ADCY8: variants seen among roughly 807,000 people sequenced by gnomAD.
ADCY8 encodes the protein adenylate cyclase 8, also known as adenylate cyclase type 8.
ADCY8 carries 51 observed loss-of-function variants against 119.7 expected under a neutral mutation model. The ratio of observed to expected loss-of-function variants is 0.43; its 90% CI spans 0.34 to 0.54. ADCY8 has a LOEUF of 0.54. Among genes scored for constraint, ADCY8 ranks in the 20% least tolerant of loss-of-function variants. The pLI, the probability that ADCY8 is intolerant of heterozygous loss-of-function variation, is 0.03. For missense variants in ADCY8, 1,383 were observed against 1,598.8 expected (o/e 0.87, Z 2.30); for synonymous variants, 665 against 651.0 (o/e 1.02, Z -0.33).
Position 130,847,482 on chromosome 8 carries a change from A to C in ADCY8, c.2444T>G (p.Leu815Trp). 1.9e-6 allele frequency: 3 copies of C among 1,613,148 alleles called. No homozygotes were observed. Among genetic ancestry groups the C allele is most frequent in the Non-Finnish European group, 2.5e-6 (3 of 1,179,552 alleles). ...TGAGGAATTGAAAGTCAGGTTCTTC[A>C]AGGGTATCGACTTGTCAAAATCACA... Reference protein sequence around the residue: ...LWCDFDKSIPLKNLTFNSSAV... With the variant: ...LWCDFDKSIPWKNLTFNSSAV... Residue 815 changes from leucine (L) to tryptophan (W), a missense_variant, in exon 11 of 18, where the codon TTG (leucine) becomes TGG (tryptophan). Coordinates refer to ENST00000286355, the MANE Select transcript of ADCY8 (RefSeq NM_001115.3).
At chr8:130,825,921 G>A (rs1816655570) in intron 12 of ADCY8, among the ~76,000 whole-genome samples, 1 of 152,186 alleles carries the variant, frequency 6.6e-6, no homozygotes. Context: ...AAGAGACTCA[G>A]CTGCATGGAC....
Position 130,780,481 on chromosome 8 carries a change from T to G in ADCY8, c.3665A>C (p.Lys1222Thr). 6.2e-7 allele frequency: 1 copy of G among 1,614,102 alleles called. No homozygotes were observed. The highest frequency in any genetic ancestry group is 8.5e-7 in the Non-Finnish European group (1 of 1,179,980). ...LNENNNTGII[K>T]GHYNRRTLLS... ...CAAAGTCCGCCGGTTGTAATGACCC[T>G]TGATGATTCCTGTGTTGTTGTTCTC... The change falls in exon 18 of 18, where the codon AAG becomes ACG. Residue 1222 changes from lysine (K) to threonine (T), a missense_variant. Physicochemically the swap from Lys to Thr is moderately conservative, Grantham distance 78 (BLOSUM62 -1). Transcript: ENST00000286355.
In ADCY8 at chr8:131,039,944, CA is replaced by C; in HGVS notation, c.389del (p.Leu130ArgfsTer55). 6 of 1,598,370 alleles carry C rather than the reference CA, an allele frequency of 3.8e-6. No homozygotes were observed. The highest frequency in any genetic ancestry group is 5.1e-6 in the Non-Finnish European group (6 of 1,172,586). On this transcript the variant is annotated frameshift_variant, in exon 1 of 18. Transcript: ENST00000286355. LOFTEE classifies it high-confidence loss of function. Reference sequence around the variant, plus strand: ...AGTTGCTAGGGGCACAGTCAAGGTGCAGGAAGCCCAGGTCGCCCCCGCCTCC... The same window carrying C: ...AGTTGCTAGGGGCACAGTCAAGGTGCGGAAGCCCAGGTCGCCCCCGCCTCC... Reference protein sequence around the residue: ...GSGGGGDLGFLHLDCAPSNSD... With the variant: ...GSGGGGDLGFXHLDCAPSNSD...
At position 130,907,122 on chromosome 8, in the gene ADCY8, T is replaced by C. The variant is rs1281515336; in HGVS notation, c.1640+2586A>G. ...AAGGACTTTATATGCATTATTTCATTTAACACAAGTTCAAAAATGGTGATC... is the reference window on the plus strand; with the variant it reads ...AAGGACTTTATATGCATTATTTCATCTAACACAAGTTCAAAAATGGTGATC... On this transcript the variant is annotated intron_variant, in intron 6 of 17. Transcript: ENST00000286355. 2.0e-5 allele frequency among the ~76,000 whole-genome samples: 3 copies of C among 152,220 alleles called. No homozygotes were observed. In the East Asian group the frequency reaches 5.8e-4, roughly 29 times the overall value.
intron 7 of ADCY8, among the ~76,000 whole-genome samples, chr8:130,896,623 T>C (rs916294637): frequency 3.3e-5 from 5 of 152,222 alleles, no homozygotes; most frequent in African/African-American, 1.2e-4. Context: ...TTTGGGTGTT[T>C]ATCTACATAA....
chr8:130,805,564 G>C (rs920038163), intron 14 of ADCY8, among the ~76,000 whole-genome samples: 1 of 152,110 alleles, frequency 6.6e-6, no homozygotes, highest in African/African-American at 2.4e-5. Flanking sequence ...GGGTGGGCTG[G>C]GACTCACCCC....
chr8:130,962,169 G>T (rs1191426573), intron 2 of ADCY8, among the ~76,000 whole-genome samples: 2 of 152,164 alleles, frequency 1.3e-5, no homozygotes, highest in African/African-American at 4.8e-5. Context: ...AGCATTTTCT[G>T]CAAGACATGG....
At chr8:130,890,303 A>G (rs1326248471) in intron 7 of ADCY8, among the ~76,000 whole-genome samples, 1 of 152,160 alleles carries the variant, frequency 6.6e-6, no homozygotes, top group Non-Finnish European at 1.5e-5. Flanking sequence ...ATACATATGT[A>G]ACTAACCTGC....
At chr8:130,919,374 CATAG>C (rs1240333581) in intron 5 of ADCY8, among the ~76,000 whole-genome samples, 4 of 152,108 alleles carry the variant, frequency 2.6e-5, no homozygotes, top group Admixed American at 1.3e-4. Flanking sequence ...GCTGTAGGCA[CATAG>C]ATACAGTGAG....
At chr8:130,789,025 G>A (rs559893031) in intron 15 of ADCY8, among the ~76,000 whole-genome samples, 3 of 152,248 alleles carry the variant, frequency 2.0e-5, no homozygotes, top group South Asian at 2.1e-4. Flanking sequence ...ATGAGGGGAC[G>A]GGGAGGAGCA....
chr8:130,929,616 G>A (rs995678084), intron 5 of ADCY8, among the ~76,000 whole-genome samples: 1 of 152,146 alleles, frequency 6.6e-6, no homozygotes, highest in African/African-American at 2.4e-5. Context: ...TGCAGCTATT[G>A]AATGAAATGT....
intron 5 of ADCY8, 79 bp from the exon 6 acceptor site, chr8:130,909,945 T>TC: frequency 7.3e-7 from 1 of 1,370,146 alleles, no homozygotes; most frequent in Admixed American, 2.3e-5. Context: ...CTTTTCTTTT[T>TC]TTTTTTTTTT....
At chr8:131,010,123 A>G (rs944269607) in intron 1 of ADCY8, among the ~76,000 whole-genome samples, 2 of 152,252 alleles carry the variant, frequency 1.3e-5, no homozygotes, top group Non-Finnish European at 2.9e-5. Context: ...AGCTGAGAGT[A>G]TGGATTCCAA....
At chr8:130,896,202 G>A (rs1260825601) in intron 7 of ADCY8, among the ~76,000 whole-genome samples, 1 of 152,092 alleles carries the variant, frequency 6.6e-6, no homozygotes, top group African/African-American at 2.4e-5. Flanking sequence ...CAGTGAGCCT[G>A]CTGACCTCTT....
At chr8:130,808,412 GT>G (rs1816047657) in intron 14 of ADCY8, among the ~76,000 whole-genome samples, 2 of 152,142 alleles carry the variant, frequency 1.3e-5, no homozygotes, top group East Asian at 3.8e-4. Flanking sequence ...ACCAGTGTGC[GT>G]TTAAAATATG....
At position 130,827,637 on chromosome 8, in the gene ADCY8, C is replaced by T. The variant is rs73716634; in HGVS notation, c.2676-6217G>A. Among the ~76,000 whole-genome samples, 1,299 of 152,262 alleles carry T rather than the reference C, an allele frequency of 8.5e-3. 25 individuals are homozygous for T. Among genetic ancestry groups the T allele is most frequent in the African/African-American group, 0.03 (1,234 of 41,530 alleles). On this transcript the variant is annotated intron_variant, in intron 12 of 17. Transcript: ENST00000286355. The stretch of plus-strand genomic sequence containing the variant: ...TCTTTCTTTTGTCTATTAAACCCCA[C>T]TCCTAAACCACTTGTGTATGTCTGT...
At chr8:130,785,727 A>G (rs1369219313) in intron 15 of ADCY8, among the ~76,000 whole-genome samples, 3 of 152,152 alleles carry the variant, frequency 2.0e-5, no homozygotes, top group Non-Finnish European at 4.4e-5. Context: ...TTCACATGTA[A>G]ATCAGATCCT....
At chr8:130,816,059 C>T (rs568504192) in intron 13 of ADCY8, among the ~76,000 whole-genome samples, 3 of 152,276 alleles carry the variant, frequency 2.0e-5, no homozygotes, top group Non-Finnish European at 4.4e-5. Context: ...TGGTGAGCTG[C>T]CCTGAATTCA....
At chr8:130,819,124 G>A (rs1816432429) in intron 13 of ADCY8, among the ~76,000 whole-genome samples, 1 of 152,244 alleles carries the variant, frequency 6.6e-6, no homozygotes, top group East Asian at 1.9e-4. Flanking sequence ...TACAGGTGAG[G>A]AAACTGAAAA....
Sources: allele counts gnomAD v4.1 joint callset (sites outside exome capture counted in the v4.1 genomes callset), GRCh38; gene constraint gnomAD v4.1.1; transcripts MANE v1.5; gene names NCBI Gene and HGNC (gene_info 2026-07-23, HGNC 2026-07-21).